Variants in SDHB observed in about 807,000 individuals in gnomAD.
SDHB encodes the protein succinate dehydrogenase complex iron sulfur subunit B, also known as succinate dehydrogenase [ubiquinone] iron-sulfur subunit, mitochondrial.
In SDHB, 21 loss-of-function variants were observed where a neutral mutation model predicts 39.7. The ratio of observed to expected loss-of-function variants is 0.53; its 90% CI spans 0.37 to 0.76. The LOEUF (loss-of-function observed/expected upper bound fraction) is 0.76, where lower values mean the gene tolerates loss of function less well. SDHB is among the 30% of genes least tolerant of loss of function. The pLI, the probability that SDHB is intolerant of heterozygous loss-of-function variation, is 0.00. For synonymous variants in SDHB, 118 were observed against 117.0 expected (o/e 1.01, Z -0.06); for missense variants, 343 against 350.9 (o/e 0.98, Z 0.18).
At chr1:17,027,336 C>T (rs1190411518) in intron 5 of SDHB, among the ~76,000 whole-genome samples, 4 of 152,200 alleles carry the variant, frequency 2.6e-5, no homozygotes, top group Non-Finnish European at 4.4e-5. Context: ...CTCTGTTTTG[C>T]CATTAACATT....
At chr1:17,023,163 C>T in intron 6 of SDHB, 1 of 302,968 alleles carries the variant, frequency 3.3e-6, no homozygotes, top group Non-Finnish European at 6.5e-6. Flanking sequence ...GTATTTGTCC[C>T]ACTTAATGAT....
chr1:17,036,225 A>G (rs2078049694), intron 2 of SDHB, among the ~76,000 whole-genome samples: 1 of 152,178 alleles, frequency 6.6e-6, no homozygotes, highest in Admixed American at 6.6e-5. Flanking sequence ...TCCAACCCAC[A>G]AACAGGGCAT....
chr1:17,030,687 CTTT>C (rs879266097), intron 3 of SDHB, among the ~76,000 whole-genome samples: 1 of 144,324 alleles, frequency 6.9e-6, no homozygotes. Context: ...TGGTTATCAT[CTTT>C]TTTTTTTTTT....
At position 17,024,080 on chromosome 1, in the gene SDHB, T is replaced by A. The variant is rs1195530396; in HGVS notation, c.541-6A>T. On this transcript the variant is annotated splice_polypyrimidine_tract_variant and splice_region_variant and intron_variant, in intron 5 of 7. Coordinates refer to ENST00000375499, the MANE Select transcript of SDHB (RefSeq NM_003000.3). ...ATGCACTCGTAGAGCCCGTCCTGTA[T>A]GGGGAGAAAAGAGAGGCAGGAGCTT... 1 of 1,605,966 alleles carries A rather than the reference T, an allele frequency of 6.2e-7. No individual in the cohort carries two copies. The highest frequency in any genetic ancestry group is 2.2e-5 in the East Asian group (1 of 44,848).
intron 6 of SDHB, 120 bp downstream of exon 6, chr1:17,023,853 G>A: frequency 2.7e-6 from 2 of 749,744 alleles, no homozygotes; most frequent in Non-Finnish European, 4.8e-6. Context: ...TGTTTGGACT[G>A]GATGGCAATG....
At chr1:17,022,370 C>T (rs1414010109) in intron 7 of SDHB, among the ~76,000 whole-genome samples, 1 of 152,202 alleles carries the variant, frequency 6.6e-6, no homozygotes, top group Non-Finnish European at 1.5e-5. Flanking sequence ...TTAACTCCCA[C>T]AATGTCCCTG....
intron 7 of SDHB, among the ~76,000 whole-genome samples, chr1:17,020,498 G>A (rs921365157): frequency 6.6e-6 from 1 of 152,192 alleles, no homozygotes; most frequent in Non-Finnish European, 1.5e-5. Context: ...CAGAGAACCT[G>A]TTCTTGGCTG....
At chr1:17,021,543 G>A (rs559846109) in intron 7 of SDHB, among the ~76,000 whole-genome samples, 10 of 152,194 alleles carry the variant, frequency 6.6e-5, no homozygotes, top group East Asian at 5.8e-4. Flanking sequence ...TCGGGAGTTC[G>A]AGACCAGCCT....
In SDHB at chr1:17,024,071, C is replaced by T. The variant is rs201928318; in HGVS notation, c.544G>A (p.Gly182Arg). 6.2e-6 allele frequency: 10 copies of T among 1,611,098 alleles called. No homozygotes were observed. Among genetic ancestry groups the T allele is most frequent in the East Asian group, 2.2e-5 (1 of 44,860 alleles). The change falls in exon 6 of 8, where the codon GGG becomes AGG. Residue 182 changes from glycine to arginine, a missense_variant. Gly to Arg is a moderately radical substitution (Grantham distance 125, BLOSUM62 -2). Transcript: ENST00000375499. ...QSIEEREKLD[G>R]LYECILCACC... ...GCACAGAGAATGCACTCGTAGAGCC[C>T]GTCCTGTATGGGGAGAAAAGAGAGG...
In SDHB at chr1:17,018,828, T is replaced by C. The variant is rs1176668763; in HGVS notation, c.*53A>G. The C allele has an allele frequency of 3.9e-6, 5 of 1,284,698 alleles. No homozygotes were observed. Among genetic ancestry groups the C allele is most frequent in the Middle Eastern group, 1.8e-4 (1 of 5,454 alleles). The allele number at this position is 1,284,698 out of a possible 1,614,324, so 79.6% of individuals were successfully genotyped here. A position where few individuals can be genotyped will look rare whatever the true frequency, so the allele number is the denominator to read the frequency against. On this transcript the variant is annotated 3_prime_UTR_variant, in exon 8 of 8. Coordinates refer to ENST00000375499, the MANE Select transcript of SDHB (RefSeq NM_003000.3). ...TCTTTAAAGGAACTCAAATTAGATATAAATTATGTTCAGCTCTGAGCTGGT... is the reference window on the plus strand; with the variant it reads ...TCTTTAAAGGAACTCAAATTAGATACAAATTATGTTCAGCTCTGAGCTGGT...
chr1:17,044,916 G>GA lies in SDHB; in HGVS notation c.73-29dup, dbSNP rs745905902. On this transcript the variant is annotated intron_variant, in intron 1 of 7. Transcript: ENST00000375499. ...GAAATTTTTTAAAGTTCACAAAAAGGAAAAAAAAATTAGAAATACAAGATA... is the reference window on the plus strand; with the variant it reads ...GAAATTTTTTAAAGTTCACAAAAAGGAAAAAAAAAATTAGAAATACAAGATA... 500 of 1,590,710 alleles carry GA rather than the reference G, an allele frequency of 3.1e-4. No homozygotes were observed. The highest frequency in any genetic ancestry group is 3.6e-4 in the Non-Finnish European group (423 of 1,164,642).
At chr1:17,032,138 T>C (rs1236610124) in intron 3 of SDHB, among the ~76,000 whole-genome samples, 5 of 152,190 alleles carry the variant, frequency 3.3e-5, no homozygotes, top group Non-Finnish European at 7.3e-5. Flanking sequence ...TTAACTTGTT[T>C]TGCTTAAATT....
chr1:17,030,997 C>T (rs1271094024), intron 3 of SDHB, among the ~76,000 whole-genome samples: 3 of 149,682 alleles, frequency 2.0e-5, no homozygotes, highest in Non-Finnish European at 3.0e-5. Context: ...CTATGTTTCC[C>T]AGGCTGGTCT....
At chr1:17,025,059 A>G (rs2077984267) in intron 5 of SDHB, among the ~76,000 whole-genome samples, 1 of 152,230 alleles carries the variant, frequency 6.6e-6, no homozygotes, top group South Asian at 2.1e-4. Context: ...AAAATCTGTA[A>G]TAAGAAATTA....
intron 2 of SDHB, among the ~76,000 whole-genome samples, chr1:17,037,673 T>G (rs995249374): frequency 6.6e-6 from 1 of 152,198 alleles, no homozygotes; most frequent in African/African-American, 2.4e-5. Context: ...TCCAGGGTGG[T>G]CTTGAACTCC....
intron 1 of SDHB, 30 bp downstream of exon 1, chr1:17,053,918 C>T (rs373297656): frequency 1.3e-6 from 2 of 1,581,772 alleles, no homozygotes; most frequent in South Asian, 2.2e-5. Context: ...GCTTTCCTGA[C>T]TTTTCCCTCT....
intron 2 of SDHB, among the ~76,000 whole-genome samples, chr1:17,043,745 C>T (rs1451379925): frequency 6.6e-6 from 1 of 152,098 alleles, no homozygotes; most frequent in Non-Finnish European, 1.5e-5. Flanking sequence ...CTGCTTTTGA[C>T]GATGGAAGAA....
chr1:17,019,059 C>A, intron 7 of SDHB, 101 bp from the exon 8 acceptor site: 1 of 906,122 alleles, frequency 1.1e-6, no homozygotes. Flanking sequence ...GTTCAGTGTC[C>A]AAGCAAGGTG....
intron 6 of SDHB, chr1:17,023,084 T>C (rs2077971165): frequency 8.6e-6 from 3 of 349,040 alleles, no homozygotes; most frequent in Admixed American, 3.9e-5. Context: ...TCTGTCTTCA[T>C]GGCACCTACC....
Sources: gnomAD v4.1 joint callset for allele counts (sites outside exome capture counted in the v4.1 genomes callset) on GRCh38, gnomAD v4.1.1 for gene constraint, MANE v1.5 for transcripts, NCBI Gene and HGNC (gene_info 2026-07-23, HGNC 2026-07-21) for gene names.